Variants in CDK8 observed in about 807,000 individuals in gnomAD.
CDK8 encodes cyclin dependent kinase 8.
A neutral mutation model predicts 71.5 loss-of-function variants in CDK8; 29 were observed. The ratio of observed to expected loss-of-function variants is 0.41; its 90% CI spans 0.30 to 0.55. CDK8 has a LOEUF of 0.55. CDK8 is among the 20% of genes least tolerant of loss of function. The pLI is 0.37. For synonymous variants in CDK8, 161 were observed against 192.1 expected, an observed-to-expected ratio of 0.84 and a Z score of 1.34; for missense variants, 288 against 572.6, an observed-to-expected ratio of 0.50 and a Z score of 5.07.
At chr13:26,352,657 G>A (rs1321033749) in intron 3 of CDK8, among the ~76,000 whole-genome samples, 2 of 152,222 alleles carry the variant, frequency 1.3e-5, no homozygotes, top group East Asian at 3.9e-4. Context: ...AGACTGAGAA[G>A]AAAATTAAAG....
intron 4 of CDK8, among the ~76,000 whole-genome samples, chr13:26,372,575 G>A (rs1874740520): frequency 6.6e-6 from 1 of 152,152 alleles, no homozygotes; most frequent in Admixed American, 6.5e-5. Flanking sequence ...AAATGTAGGA[G>A]ATGCCATTTC....
intron 6 of CDK8, 85 bp from the exon 7 acceptor site, chr13:26,393,282 G>T (rs1195623070): frequency 2.3e-6 from 2 of 860,742 alleles, no homozygotes; most frequent in East Asian, 2.8e-5. Context: ...TTTTCTTTTG[G>T]AAAGAACCAC....
Position 26,393,573 on chromosome 13 carries a change from G to A in CDK8, c.790+63G>A, listed in dbSNP as rs543336636. The A allele has an allele frequency of 2.3e-5, 36 of 1,537,162 alleles. No individual in the cohort carries two copies. The East Asian group carries it at 3.7e-4, about 16-fold the overall frequency. On this transcript the variant is annotated intron_variant, in intron 7 of 12. Transcript: ENST00000381527. ...CTGTTGTTTGAACTTAGATGTCTTC[G>A]TTGGAGAGGTATATATTTTTAGCTG...
At chr13:26,337,987 AATGTC>A (rs2137974264) in intron 2 of CDK8, among the ~76,000 whole-genome samples, 1 of 152,216 alleles carries the variant, frequency 6.6e-6, no homozygotes, top group South Asian at 2.1e-4. Flanking sequence ...GAATGAGACT[AATGTC>A]ATTAGTTATG....
chr13:26,320,154 C>T (rs1196718267), intron 1 of CDK8, among the ~76,000 whole-genome samples: 3 of 151,948 alleles, frequency 2.0e-5, no homozygotes, highest in Admixed American at 6.6e-5. Context: ...AATCCCAGCA[C>T]TTTGGGAGGC....
intron 4 of CDK8, among the ~76,000 whole-genome samples, chr13:26,381,893 AG>A (rs1425920139): frequency 1.3e-5 from 2 of 152,186 alleles, no homozygotes; most frequent in East Asian, 3.9e-4. Context: ...CACTATAAAC[AG>A]GCTTCACTAC....
intron 3 of CDK8, among the ~76,000 whole-genome samples, chr13:26,350,478 T>A (rs948354524): frequency 6.6e-5 from 10 of 151,820 alleles, no homozygotes; most frequent in Non-Finnish European, 1.0e-4. Flanking sequence ...CTGCAAAAAA[T>A]AAAAAAAATT....
intron 7 of CDK8, among the ~76,000 whole-genome samples, chr13:26,394,590 A>G (rs1875897941): frequency 6.6e-6 from 1 of 152,222 alleles, no homozygotes; most frequent in Admixed American, 6.5e-5. Context: ...AGACAGAAGA[A>G]TTCTGTTTTC....
Position 26,397,734 on chromosome 13 carries a change from T to C in CDK8, c.933+509T>C, listed in dbSNP as rs9581664. Reference sequence around the variant, plus strand: ...ATGTGATAGATGCCATATTTATCAGTGTGTAATGGAAAAATGATTTAACCT... The same window carrying C: ...ATGTGATAGATGCCATATTTATCAGCGTGTAATGGAAAAATGATTTAACCT... On this transcript the variant is annotated intron_variant, in intron 9 of 12. Transcript: ENST00000381527. Among the ~76,000 whole-genome samples, 1,034 of 152,286 alleles carry C rather than the reference T, an allele frequency of 6.8e-3. 8 individuals carry two copies. Among genetic ancestry groups the C allele is most frequent in the Middle Eastern group, 0.024 (7 of 294 alleles).
chr13:26,323,583 C>T (rs2137951834), intron 1 of CDK8, among the ~76,000 whole-genome samples: 1 of 152,230 alleles, frequency 6.6e-6, no homozygotes, highest in African/African-American at 2.4e-5. Context: ...TTATATTAGG[C>T]CCTCGTTCTC....
chr13:26,255,413 A>G (rs984754869), intron 1 of CDK8, among the ~76,000 whole-genome samples: 2 of 152,224 alleles, frequency 1.3e-5, no homozygotes, highest in African/African-American at 4.8e-5. Context: ...CAAGTGACAT[A>G]GGGACTATCT....
intron 1 of CDK8, among the ~76,000 whole-genome samples, chr13:26,331,992 A>G (rs1403806074): frequency 2.0e-5 from 3 of 151,968 alleles, no homozygotes; most frequent in Non-Finnish European, 4.4e-5. Context: ...TTCTTTTAAC[A>G]GTGTTTTGTA....
At chr13:26,377,316 C>T (rs1289914795) in intron 4 of CDK8, among the ~76,000 whole-genome samples, 1 of 152,228 alleles carries the variant, frequency 6.6e-6, no homozygotes, top group Non-Finnish European at 1.5e-5. Context: ...CTCTCCCATT[C>T]CTGAATTTAT....
At chr13:26,296,753 G>A (rs192050610) in intron 1 of CDK8, among the ~76,000 whole-genome samples, 1 of 152,278 alleles carries the variant, frequency 6.6e-6, no homozygotes, top group East Asian at 1.9e-4. Flanking sequence ...TGTAGCGCCA[G>A]TATCATTAGG....
intron 1 of CDK8, among the ~76,000 whole-genome samples, chr13:26,256,964 T>C (rs1294085020): frequency 6.6e-6 from 1 of 152,190 alleles, no homozygotes; most frequent in African/African-American, 2.4e-5. Context: ...CTTTGTAACC[T>C]CACTCTGGTA....
intron 1 of CDK8, among the ~76,000 whole-genome samples, chr13:26,331,841 C>G (rs1340765762): frequency 6.6e-6 from 1 of 152,012 alleles, no homozygotes; most frequent in African/African-American, 2.4e-5. Context: ...TTTCTGACTC[C>G]GTGAAGAATG....
intron 2 of CDK8, among the ~76,000 whole-genome samples, chr13:26,344,626 G>A (rs1043208013): frequency 2.0e-5 from 3 of 152,146 alleles, no homozygotes; most frequent in Admixed American, 6.5e-5. Flanking sequence ...AATTAGCTGG[G>A]TGTGGTGGTG....
chr13:26,267,547 T>C (rs573970348), intron 1 of CDK8, among the ~76,000 whole-genome samples: 1 of 152,286 alleles, frequency 6.6e-6, no homozygotes, highest in Non-Finnish European at 1.5e-5. Context: ...CTTTATTCTT[T>C]TTGAGCAGAT....
At chr13:26,329,483 G>GT (rs543441898) in intron 1 of CDK8, among the ~76,000 whole-genome samples, 48,384 of 127,460 alleles carry the variant, frequency 0.38, 9,094 homozygotes, top group East Asian at 0.49. Context: ...TTTTTTTTTT[G>GT]TTTTTTTTTT....
Sources: allele counts gnomAD v4.1 joint callset (sites outside exome capture counted in the v4.1 genomes callset), GRCh38; gene constraint gnomAD v4.1.1; transcripts MANE v1.5; gene names NCBI Gene and HGNC (gene_info 2026-07-23, HGNC 2026-07-21).